KIAA1217: variants seen among roughly 807,000 people sequenced by gnomAD.
The protein encoded by KIAA1217 is sickle tail protein homolog.
KIAA1217 carries 88 observed loss-of-function variants against 163.9 expected under a neutral mutation model. The observed-to-expected ratio is 0.54, with a 90% confidence interval of 0.45 to 0.64. The LOEUF is 0.64. Among genes scored for constraint, KIAA1217 ranks in the 30% least tolerant of loss-of-function variants. The pLI is 0.00. For synonymous variants in KIAA1217, 903 were observed against 923.1 expected (o/e 0.98, Z 0.39); for missense variants, 2,372 against 2,475.0 (o/e 0.96, Z 0.88).
chr10:24,143,003 G>T (rs1416645758), intron 2 of KIAA1217, among the ~76,000 whole-genome samples: 1 of 152,186 alleles, frequency 6.6e-6, no homozygotes, highest in East Asian at 1.9e-4. Flanking sequence ...AAGCAGAAGG[G>T]CGGAGAGGAC....
upstream of KIAA1217, among the ~76,000 whole-genome samples, chr10:24,205,524 A>C (rs2067506575): frequency 6.6e-6 from 1 of 151,850 alleles, no homozygotes; most frequent in Admixed American, 6.6e-5. Context: ...TTGTAGTCCC[A>C]GCACTTTGGG....
At chr10:24,222,747 C>T (rs1040015464) in intron 2 of KIAA1217, among the ~76,000 whole-genome samples, 15 of 152,040 alleles carry the variant, frequency 9.9e-5, no homozygotes, top group African/African-American at 2.7e-4. Context: ...TGACCTCAGG[C>T]GATCCACCTA....
At chr10:23,814,338 A>G (rs1360798333) in intron 1 of KIAA1217, among the ~76,000 whole-genome samples, 2 of 152,014 alleles carry the variant, frequency 1.3e-5, no homozygotes, top group East Asian at 3.9e-4. Context: ...AACAGCACAG[A>G]CTCCAGATGA....
chr10:23,697,202 G>A (rs1260177921), intron 1 of KIAA1217, among the ~76,000 whole-genome samples: 1 of 152,166 alleles, frequency 6.6e-6, no homozygotes, highest in East Asian at 1.9e-4. Flanking sequence ...ATGTGGCTGT[G>A]TTGATAATAA....
At chr10:24,452,084 G>GAA (rs2061413939) in intron 5 of KIAA1217, among the ~76,000 whole-genome samples, 1 of 152,150 alleles carries the variant, frequency 6.6e-6, no homozygotes, top group South Asian at 2.1e-4. Context: ...GGTAGGGAGA[G>GAA]AACACGTTAA....
chr10:24,253,574 G>A, intron 2 of KIAA1217, among the ~76,000 whole-genome samples: 1 of 152,160 alleles, frequency 6.6e-6, no homozygotes, highest in African/African-American at 2.4e-5. Context: ...TTACTAAAAT[G>A]TTTACTCCTT....
At chr10:23,870,523 C>T (rs888487684) in intron 1 of KIAA1217, among the ~76,000 whole-genome samples, 1 of 152,066 alleles carries the variant, frequency 6.6e-6, no homozygotes, top group African/African-American at 2.4e-5. Context: ...GGAATGGTGA[C>T]ATCAGCCAGG....
chr10:23,929,789 G>A (rs1002001505), intron 1 of KIAA1217, among the ~76,000 whole-genome samples: 2 of 152,098 alleles, frequency 1.3e-5, no homozygotes, highest in Non-Finnish European at 2.9e-5. Flanking sequence ...TCTTTTTGGT[G>A]GAATAATTTA....
chr10:24,256,046 CAAAA>C (rs11358712), intron 2 of KIAA1217, among the ~76,000 whole-genome samples: 3 of 79,092 alleles, frequency 3.8e-5, no homozygotes, highest in Non-Finnish European at 4.6e-5. Context: ...CTCAGATGAC[CAAAA>C]AAAAAAAAAA....
chr10:24,189,568 TAACAAA>T (rs2066615611), intron 2 of KIAA1217, among the ~76,000 whole-genome samples: 1 of 152,168 alleles, frequency 6.6e-6, no homozygotes, highest in African/African-American at 2.4e-5. Context: ...TGATACCCTA[TAACAAA>T]AGACAGATTA....
chr10:24,195,869 C>T (rs2066961072), intron 2 of KIAA1217, among the ~76,000 whole-genome samples: 1 of 152,212 alleles, frequency 6.6e-6, no homozygotes, highest in African/African-American at 2.4e-5. Flanking sequence ...TGGCTCACGC[C>T]TGTAATCCCA....
At chr10:23,832,161 T>C (rs1362376369) in intron 1 of KIAA1217, among the ~76,000 whole-genome samples, 1 of 152,212 alleles carries the variant, frequency 6.6e-6, no homozygotes, top group Non-Finnish European at 1.5e-5. Context: ...TTGTCACTTA[T>C]ACTTCTGACT....
chr10:24,061,738 GA>G (rs1369972671), intron 2 of KIAA1217, among the ~76,000 whole-genome samples: 1 of 152,144 alleles, frequency 6.6e-6, no homozygotes, highest in African/African-American at 2.4e-5. Flanking sequence ...GTATTCTGCT[GA>G]AAAACCCATT....
intron 9 of KIAA1217, among the ~76,000 whole-genome samples, chr10:24,505,327 C>T (rs902485757): frequency 3.3e-5 from 5 of 151,070 alleles, no homozygotes; most frequent in Non-Finnish European, 5.9e-5. Context: ...TCCCAAATAA[C>T]GGTTGGGTCT....
chr10:23,760,478 A>T (rs1834201381), intron 1 of KIAA1217, among the ~76,000 whole-genome samples: 1 of 152,250 alleles, frequency 6.6e-6, no homozygotes, highest in African/African-American at 2.4e-5. Context: ...TAAGCAAAGC[A>T]GGAGGGACTG....
chr10:23,768,605 A>C (rs968152961), intron 1 of KIAA1217, among the ~76,000 whole-genome samples: 5 of 152,246 alleles, frequency 3.3e-5, no homozygotes, highest in African/African-American at 1.2e-4. Context: ...CAATGAGGAA[A>C]GTATAAGTTG....
intron 1 of KIAA1217, among the ~76,000 whole-genome samples, chr10:23,862,925 T>C (rs1222729144): frequency 6.6e-6 from 1 of 152,186 alleles, no homozygotes; most frequent in Non-Finnish European, 1.5e-5. Context: ...CTGAAAGCCA[T>C]TGAAGTCAGA....
rs530981156 is a variant in KIAA1217 at position 24,533,632 on chromosome 10, C to G, written c.3414+395C>G. 2.6e-5 allele frequency among the ~76,000 whole-genome samples: 4 copies of G among 152,326 alleles called. No homozygotes were observed. The East Asian group carries it at 7.7e-4, about 29-fold the overall frequency. ...CGTGGGTTCCCGTTCCTTGGCTTTA[C>G]CACTTAGAGCCACTGACCTTGGATC... On this transcript the variant is annotated intron_variant, in intron 16 of 20. Transcript: ENST00000376454.
In KIAA1217 at chr10:24,484,682, C is replaced by T. The variant is rs562343320; in HGVS notation, c.1680-9818C>T. ...TTAAGCAAGCCTCCCCCACCTCAGC[C>T]TCCCAAAATTTGGGGATTACAAGTG... On this transcript the variant is annotated intron_variant, in intron 6 of 20. Coordinates refer to ENST00000376454, the MANE Select transcript of KIAA1217 (RefSeq NM_019590.5). 5.3e-5 allele frequency among the ~76,000 whole-genome samples: 8 copies of T among 152,304 alleles called. No individual in the cohort carries two copies. The East Asian group carries it at 1.5e-3, about 29-fold the overall frequency.
Sources: allele counts gnomAD v4.1 joint callset (sites outside exome capture counted in the v4.1 genomes callset), GRCh38; gene constraint gnomAD v4.1.1; transcripts MANE v1.5; gene names NCBI Gene and HGNC (gene_info 2026-07-23, HGNC 2026-07-21).